The following SCHIP1 variants were observed in gnomAD, a reference collection of about 807,000 sequenced individuals.
SCHIP1 encodes schwannomin-interacting protein 1.
A neutral mutation model predicts 29.7 loss-of-function variants in SCHIP1; 8 were observed. The ratio of observed to expected loss-of-function variants is 0.27; its 90% CI spans 0.16 to 0.49. The LOEUF (loss-of-function observed/expected upper bound fraction) is 0.49, where lower values mean the gene tolerates loss of function less well. SCHIP1 is among the 20% of genes least tolerant of loss of function. The probability of loss-of-function intolerance (pLI) is 0.99; values close to 1 mark genes in which losing one functional copy is unlikely to be tolerated. For synonymous variants in SCHIP1, 76 were observed against 94.9 expected, an observed-to-expected ratio of 0.80 and a Z score of 1.16; for missense variants, 193 against 294.6, an observed-to-expected ratio of 0.66 and a Z score of 2.52.
the SCHIP1 span, among the ~76,000 whole-genome samples, chr3:159,298,424 C>G: frequency 6.6e-6 from 1 of 152,128 alleles, no homozygotes; most frequent in Non-Finnish European, 1.5e-5. Context: ...CCTACAGGCT[C>G]CCCAGGATCT....
the SCHIP1 span, among the ~76,000 whole-genome samples, chr3:159,495,267 C>A: frequency 1.8e-4 from 27 of 152,156 alleles, no homozygotes; most frequent in Admixed American, 1.3e-4. Context: ...GGCAATCAGG[C>A]AGGAGAAGGA....
chr3:159,298,679 C>T, the SCHIP1 span, among the ~76,000 whole-genome samples: 15 of 152,100 alleles, frequency 9.9e-5, no homozygotes, highest in Non-Finnish European at 1.8e-4. Flanking sequence ...AAACACTTCA[C>T]ACCCAAAGCC....
the SCHIP1 span, among the ~76,000 whole-genome samples, chr3:159,658,097 G>C: frequency 2.0e-5 from 3 of 152,158 alleles, no homozygotes; most frequent in Non-Finnish European, 4.4e-5. Flanking sequence ...AGGAAGAATG[G>C]GTGAACAGGA....
At chr3:159,371,173 A>ATATT in the SCHIP1 span, among the ~76,000 whole-genome samples, 1 of 152,162 alleles carries the variant, frequency 6.6e-6, no homozygotes, top group African/African-American at 2.4e-5. Context: ...CACTCAACAA[A>ATATT]TATTTGTTGA....
the SCHIP1 span, among the ~76,000 whole-genome samples, chr3:159,508,402 C>A: frequency 6.6e-6 from 1 of 152,034 alleles, no homozygotes. Context: ...TTTTGTTGAT[C>A]TTTTCAAAAA....
the SCHIP1 span, among the ~76,000 whole-genome samples, chr3:159,560,321 A>G: frequency 7.2e-5 from 11 of 152,176 alleles, no homozygotes; most frequent in African/African-American, 2.7e-4. Flanking sequence ...GGGAGTTACT[A>G]TTGAATTGTG....
At chr3:159,490,158 T>C in the SCHIP1 span, among the ~76,000 whole-genome samples, 1 of 152,328 alleles carries the variant, frequency 6.6e-6, no homozygotes, top group Admixed American at 6.5e-5. Flanking sequence ...TTTTTACATG[T>C]ATAGAATGTG....
chr3:159,505,878 G>A, the SCHIP1 span, among the ~76,000 whole-genome samples: 14 of 152,236 alleles, frequency 9.2e-5, no homozygotes, highest in East Asian at 7.7e-4. Flanking sequence ...TCATTGTTGG[G>A]CATTTGGGTT....
chr3:159,301,066 T>A, the SCHIP1 span, among the ~76,000 whole-genome samples: 1 of 152,198 alleles, frequency 6.6e-6, no homozygotes, highest in South Asian at 2.1e-4. Context: ...TAATAGCACA[T>A]ATTGATAGTA....
the SCHIP1 span, among the ~76,000 whole-genome samples, chr3:159,792,375 G>A: frequency 6.6e-6 from 1 of 152,168 alleles, no homozygotes; most frequent in Non-Finnish European, 1.5e-5. Context: ...GCTTCATCCT[G>A]GATGTGAGGA....
In SCHIP1 at chr3:159,861,705, C is replaced by T. The variant is rs1269883846; in HGVS notation, c.31-4458C>T. On this transcript the variant is annotated intron_variant, in intron 1 of 6. Coordinates refer to ENST00000445224, the Ensembl canonical transcript of SCHIP1. This position sits in a 1 kb window ranked among gnomAD's most constrained non-coding sequence, Gnocchi z 4.1. ...AGTGATGAGCCCTGTTCCTCAGTTG[C>T]CCTTTGTTTTTGCTAGCAATACTAA... Among the ~76,000 whole-genome samples the T allele has an allele frequency of 6.6e-6, 1 of 152,052 alleles. No individual in the cohort carries two copies. The highest frequency in any genetic ancestry group is 1.9e-4 in the East Asian group (1 of 5,198).
chr3:159,593,624 G>A, the SCHIP1 span, among the ~76,000 whole-genome samples: 2 of 152,136 alleles, frequency 1.3e-5, no homozygotes, highest in Non-Finnish European at 2.9e-5. Context: ...CTGACCCAAT[G>A]TAAAGCAAAG....
At chr3:159,714,123 G>C in the SCHIP1 span, among the ~76,000 whole-genome samples, 1 of 152,140 alleles carries the variant, frequency 6.6e-6, no homozygotes, top group Non-Finnish European at 1.5e-5. Context: ...TGTAGCCCCA[G>C]CTACTTGGGA....
the SCHIP1 span, among the ~76,000 whole-genome samples, chr3:159,758,608 C>T: frequency 6.6e-6 from 1 of 152,242 alleles, no homozygotes; most frequent in Non-Finnish European, 1.5e-5. Context: ...AGCAGGCTGC[C>T]TCTTCCAATC....
the SCHIP1 span, among the ~76,000 whole-genome samples, chr3:159,505,696 C>T: frequency 6.6e-6 from 1 of 152,126 alleles, no homozygotes; most frequent in Non-Finnish European, 1.5e-5. Flanking sequence ...TGTTCGATTC[C>T]CACCTATGAG....
At chr3:159,513,130 G>A in the SCHIP1 span, among the ~76,000 whole-genome samples, 84 of 152,262 alleles carry the variant, frequency 5.5e-4, no homozygotes, top group African/African-American at 1.9e-3. Flanking sequence ...CTATTTAGAA[G>A]TACTTACATA....
At chr3:159,373,406 A>C in the SCHIP1 span, among the ~76,000 whole-genome samples, 1 of 151,960 alleles carries the variant, frequency 6.6e-6, no homozygotes, top group African/African-American at 2.4e-5. Context: ...CATATCCATC[A>C]CCTTAAATAT....
chr3:159,363,445 G>A, the SCHIP1 span, among the ~76,000 whole-genome samples: 45 of 152,238 alleles, frequency 3.0e-4, no homozygotes, highest in African/African-American at 1.1e-3. Context: ...ATAGTAATGA[G>A]CCCAAAGGAT....
the SCHIP1 span, among the ~76,000 whole-genome samples, chr3:159,290,035 G>C: frequency 6.6e-6 from 1 of 152,298 alleles, no homozygotes; most frequent in Admixed American, 6.5e-5. Flanking sequence ...TGGGGCATGA[G>C]GCTATGCTTG....
Sources: allele counts gnomAD v4.1 joint callset (sites outside exome capture counted in the v4.1 genomes callset), GRCh38; gene constraint gnomAD v4.1.1; non-coding constraint Gnocchi (gnomAD v3.1); transcripts MANE v1.5; gene names NCBI Gene and HGNC (gene_info 2026-07-23, HGNC 2026-07-21).